Variants in ECT2L observed in about 807,000 individuals in gnomAD.
ECT2L encodes epithelial cell-transforming sequence 2 oncogene-like.
In ECT2L, 126 loss-of-function variants were observed where a neutral mutation model predicts 122.8. The observed-to-expected ratio is 1.03, with a 90% confidence interval of 0.89 to 1.19. The LOEUF (loss-of-function observed/expected upper bound fraction) is 1.19, where lower values mean the gene tolerates loss of function less well. Ranked by LOEUF, ECT2L falls within the 50% of genes most tolerant of loss-of-function variation. ECT2L has a pLI of 0.00. For synonymous variants in ECT2L, 385 were observed against 381.8 expected (o/e 1.01, Z -0.10); for missense variants, 1,012 against 1,064.1 (o/e 0.95, Z 0.68).
At chr6:138,850,786 G>A (rs1207726690) in intron 9 of ECT2L, among the ~76,000 whole-genome samples, 1 of 151,922 alleles carries the variant, frequency 6.6e-6, no homozygotes, top group Non-Finnish European at 1.5e-5. Flanking sequence ...TGGATCATCC[G>A]AGGTCAGGAG....
chr6:138,854,330 G>A (rs1458174484), intron 10 of ECT2L, among the ~76,000 whole-genome samples, 176 bp downstream of exon 10: 1 of 152,184 alleles, frequency 6.6e-6, no homozygotes, highest in Non-Finnish European at 1.5e-5. Context: ...GAGGGATAGT[G>A]ATGAAAGTAA....
chr6:138,901,021 T>C lies in ECT2L; in HGVS notation c.2488T>C (p.Ser830Pro). The change falls in exon 21 of 22, where the codon TCT (serine) becomes CCT (proline). Residue 830 changes from serine to proline, a missense_variant. Coordinates refer to ENST00000541398, the MANE Select transcript of ECT2L (RefSeq NM_001077706.3). ...CCTGCTCGTTTCTAGTCGGGGCACA[T>C]CTCACACTCCATTTGAGAGGACTTC... ...DALLVSSRGTSHTPFERTSKT... is the reference protein window; with the variant it reads ...DALLVSSRGTPHTPFERTSKT... The C allele has an allele frequency of 6.2e-7, 1 of 1,614,210 alleles. No individual in the cohort carries two copies. Among genetic ancestry groups the C allele is most frequent in the African/African-American group, 1.3e-5 (1 of 75,058 alleles).
intron 11 of ECT2L, among the ~76,000 whole-genome samples, 181 bp from the exon 12 acceptor site, chr6:138,864,814 CT>C (rs1777968102): frequency 1.3e-5 from 2 of 152,256 alleles, no homozygotes; most frequent in African/African-American, 4.8e-5. Flanking sequence ...TCATTGAATC[CT>C]TTTCGAGTTT....
Position 138,864,990 on chromosome 6 carries a change from T to C in ECT2L, c.1292-6T>C, listed in dbSNP as rs1777975307. On this transcript the variant is annotated splice_region_variant and splice_polypyrimidine_tract_variant and intron_variant, in intron 11 of 21. Transcript: ENST00000541398. ...CTGCAATAATAACAGAAGAAAATCA[T>C]GTCAGTTCTTAGTGATTGGCTGGGA... 1.2e-6 allele frequency: 2 copies of C among 1,610,288 alleles called. No homozygotes were observed. The highest frequency in any genetic ancestry group is 1.7e-6 in the Non-Finnish European group (2 of 1,178,312).
At chr6:138,901,431 A>G (rs1322496784) in intron 21 of ECT2L, among the ~76,000 whole-genome samples, 2 of 152,226 alleles carry the variant, frequency 1.3e-5, no homozygotes, top group East Asian at 3.8e-4. Flanking sequence ...CTCAACCACT[A>G]TTCTATACTG....
In ECT2L at chr6:138,868,258, TTC is replaced by T. The variant is rs747553096; in HGVS notation, c.1578+54_1578+55del. The T allele has an allele frequency of 8.6e-6, 13 of 1,513,678 alleles. No individual in the cohort carries two copies. The South Asian group carries it at 1.1e-4, about 12-fold the overall frequency. The allele number at this position is 1,513,678 out of a possible 1,614,324, so 93.8% of individuals were successfully genotyped here. ...CTATGAAAACCAACATTTAAATAAATTCTGTTTGCAGTTATTATTAATTTTTT... is the reference window on the plus strand; with the variant it reads ...CTATGAAAACCAACATTTAAATAAATTGTTTGCAGTTATTATTAATTTTTT... On this transcript the variant is annotated intron_variant, in intron 13 of 21. Transcript: ENST00000541398.
intron 13 of ECT2L, among the ~76,000 whole-genome samples, chr6:138,875,522 A>G (rs1284238931): frequency 6.6e-6 from 1 of 152,136 alleles, no homozygotes; most frequent in Non-Finnish European, 1.5e-5. Context: ...ACACAGGACC[A>G]CTGCTGTGTT....
intron 10 of ECT2L, 82 bp from the exon 11 acceptor site, chr6:138,862,545 G>A: frequency 3.0e-6 from 4 of 1,338,980 alleles, no homozygotes; most frequent in South Asian, 1.2e-5. Flanking sequence ...CATGAGATTT[G>A]GAGGGAACAA....
At chr6:138,897,535 T>C (rs1160860791) in intron 20 of ECT2L, among the ~76,000 whole-genome samples, 1 of 152,176 alleles carries the variant, frequency 6.6e-6, no homozygotes, top group East Asian at 1.9e-4. Flanking sequence ...TGCTTTTGCG[T>C]ATTTAGTTTA....
intron 20 of ECT2L, among the ~76,000 whole-genome samples, chr6:138,891,446 C>T (rs1230301252): frequency 1.3e-5 from 2 of 152,114 alleles, no homozygotes; most frequent in African/African-American, 4.8e-5. Context: ...TCCCTGAAGC[C>T]TGCTACCTGG....
intron 20 of ECT2L, among the ~76,000 whole-genome samples, chr6:138,895,570 T>C (rs1779179298): frequency 6.6e-6 from 1 of 152,068 alleles, no homozygotes; most frequent in Non-Finnish European, 1.5e-5. Flanking sequence ...AACATATATA[T>C]ATATATTTTT....
chr6:138,837,073 G>A (rs1310350699), intron 4 of ECT2L, among the ~76,000 whole-genome samples: 1 of 151,884 alleles, frequency 6.6e-6, no homozygotes, highest in Non-Finnish European at 1.5e-5. Flanking sequence ...TTGCTTTTAG[G>A]TGCTCTAACA....
intron 3 of ECT2L, among the ~76,000 whole-genome samples, chr6:138,813,973 T>C (rs936954532): frequency 2.0e-5 from 3 of 152,138 alleles, no homozygotes; most frequent in Non-Finnish European, 4.4e-5. Flanking sequence ...TGGTCCTTAA[T>C]GTATGTCTTC....
chr6:138,884,756 T>C (rs1397996457), intron 16 of ECT2L, among the ~76,000 whole-genome samples: 1 of 152,136 alleles, frequency 6.6e-6, no homozygotes, highest in Non-Finnish European at 1.5e-5. Flanking sequence ...ATAGTCAAGA[T>C]CTTACTATAC....
At chr6:138,854,543 C>A (rs1777552812) in intron 10 of ECT2L, among the ~76,000 whole-genome samples, 1 of 152,276 alleles carries the variant, frequency 6.6e-6, no homozygotes, top group East Asian at 1.9e-4. Context: ...TGACCAAGAA[C>A]CTGAACTTGA....
chr6:138,827,299 G>C lies in ECT2L; in HGVS notation c.180-11053G>C, dbSNP rs912029841. On this transcript the variant is annotated intron_variant, in intron 4 of 21. Transcript: ENST00000541398. ...GGAGGTGGAGGTTGTAGTGAGCTGA[G>C]ATCGTGCCATTGCACTCCAACCTGG... 2.6e-5 allele frequency among the ~76,000 whole-genome samples: 4 copies of C among 152,024 alleles called. No homozygotes were observed. The East Asian group carries it at 7.8e-4, about 30-fold the overall frequency.
chr6:138,896,835 A>G (rs1187518599), intron 20 of ECT2L, among the ~76,000 whole-genome samples: 1 of 151,996 alleles, frequency 6.6e-6, no homozygotes, highest in Non-Finnish European at 1.5e-5. Context: ...TTTAGTAGAG[A>G]CGGGGTTTCG....
At chr6:138,811,153 C>T (rs1468652614) in intron 1 of ECT2L, among the ~76,000 whole-genome samples, 1 of 152,214 alleles carries the variant, frequency 6.6e-6, no homozygotes, top group Non-Finnish European at 1.5e-5. Context: ...GGTGTGCCCT[C>T]TCTTGCTTTC....
chr6:138,873,622 C>G (rs886878611), intron 13 of ECT2L, among the ~76,000 whole-genome samples: 2 of 152,006 alleles, frequency 1.3e-5, no homozygotes, highest in African/African-American at 2.4e-5. Flanking sequence ...GGTGAAACCC[C>G]GTCTCTACTA....
Sources: allele counts gnomAD v4.1 joint callset (sites outside exome capture counted in the v4.1 genomes callset), GRCh38; gene constraint gnomAD v4.1.1; transcripts MANE v1.5; gene names NCBI Gene and HGNC (gene_info 2026-07-23, HGNC 2026-07-21).